SMIM14: variants seen among roughly 807,000 people sequenced by gnomAD.
SMIM14 encodes chromosome 4 open reading frame 34.
In SMIM14, 5 loss-of-function variants were observed where a neutral mutation model predicts 12.6. That is an observed-to-expected ratio of 0.40 (90% confidence interval 0.21 to 0.83). SMIM14 has a LOEUF of 0.83. Among genes scored for constraint, SMIM14 ranks in the 40% least tolerant of loss-of-function variants. The probability of loss-of-function intolerance (pLI) is 0.37; values close to 1 mark genes in which losing one functional copy is unlikely to be tolerated. For missense variants in SMIM14, 86 were observed against 119.1 expected (o/e 0.72, Z 1.29); for synonymous variants, 30 against 40.1 (o/e 0.75, Z 0.95).
chr4:39,609,668 C>G lies in SMIM14; in HGVS notation c.-35-4488G>C, dbSNP rs77932110. ...GGAGTCATGCCACAAAGGGTCTTTCCGGCTATGTTCATGATTAGGTCGTTA... is the reference window on the plus strand; with the variant it reads ...GGAGTCATGCCACAAAGGGTCTTTCGGGCTATGTTCATGATTAGGTCGTTA... On this transcript the variant is annotated intron_variant, in intron 1 of 4. Transcript: ENST00000295958. 5.7e-3 allele frequency among the ~76,000 whole-genome samples: 872 copies of G among 152,192 alleles called. 10 individuals carry two copies. The highest frequency in any genetic ancestry group is 0.019 in the African/African-American group (807 of 41,512).
At chr4:39,635,796 G>A (rs1269942964) in intron 1 of SMIM14, among the ~76,000 whole-genome samples, 1 of 152,132 alleles carries the variant, frequency 6.6e-6, no homozygotes, top group Non-Finnish European at 1.5e-5. Flanking sequence ...TGAAGAGGAC[G>A]TTTCCTTCCA....
intron 2 of SMIM14, among the ~76,000 whole-genome samples, chr4:39,596,634 CTGTT>C (rs973036204): frequency 5.3e-5 from 8 of 152,198 alleles, no homozygotes; most frequent in African/African-American, 1.9e-4. Flanking sequence ...ACTGTAACCA[CTGTT>C]TGAGGTATAT....
intron 4 of SMIM14, among the ~76,000 whole-genome samples, chr4:39,553,577 A>G (rs1348362296): frequency 6.6e-6 from 1 of 151,968 alleles, no homozygotes; most frequent in African/African-American, 2.4e-5. Context: ...GGCTTTTTAT[A>G]TAGTGCTAAT....
chr4:39,568,138 G>C (rs1387931109), intron 3 of SMIM14, among the ~76,000 whole-genome samples: 1 of 152,140 alleles, frequency 6.6e-6, no homozygotes. Context: ...AATTAGCCAG[G>C]TGTGGTAGTG....
At chr4:39,623,586 G>A (rs770242224) in intron 1 of SMIM14, among the ~76,000 whole-genome samples, 5 of 152,286 alleles carry the variant, frequency 3.3e-5, no homozygotes, top group African/African-American at 4.8e-5. Flanking sequence ...TAGGCCGGGC[G>A]CGGTGGCTCA....
chr4:39,637,479 C>T (rs180819887), intron 1 of SMIM14, among the ~76,000 whole-genome samples: 2 of 151,890 alleles, frequency 1.3e-5, no homozygotes, highest in African/African-American at 2.4e-5. Context: ...ATAACTCTTC[C>T]TGGGTTTGAT....
In SMIM14 at chr4:39,567,478, C is replaced by A. The variant is rs951605730; in HGVS notation, c.124+4937G>T. On this transcript the variant is annotated intron_variant, in intron 3 of 4. Transcript: ENST00000295958. ...ATTAGGCCGGGCATGGTGGCTCACA[C>A]CTGTAATCCCAGCACTTTGGGAGGT... Among the ~76,000 whole-genome samples, 3 of 152,142 alleles carry A rather than the reference C, an allele frequency of 2.0e-5. 1 individual carries two copies. Among genetic ancestry groups the A allele is most frequent in the Non-Finnish European group, 4.4e-5 (3 of 68,028 alleles).
chr4:39,624,086 G>T (rs1282535723), intron 1 of SMIM14, among the ~76,000 whole-genome samples: 1 of 152,168 alleles, frequency 6.6e-6, no homozygotes, highest in African/African-American at 2.4e-5. Context: ...GCATCAATAA[G>T]TAGTTGGGAT....
chr4:39,608,272 G>A (rs1246044088), intron 1 of SMIM14, among the ~76,000 whole-genome samples: 2 of 152,224 alleles, frequency 1.3e-5, no homozygotes, highest in South Asian at 4.1e-4. Context: ...CAGGCAACAC[G>A]GTGAGCAAGA....
chr4:39,566,141 A>G (rs115821583), intron 3 of SMIM14, among the ~76,000 whole-genome samples: 1,845 of 151,058 alleles, frequency 0.012, 29 homozygotes, highest in African/African-American at 0.043. Flanking sequence ...ATGGCCTAGA[A>G]CAGGGAGGAG....
intron 2 of SMIM14, among the ~76,000 whole-genome samples, chr4:39,578,500 T>C (rs1021894999): frequency 3.9e-5 from 6 of 152,234 alleles, no homozygotes; most frequent in African/African-American, 1.2e-4. Flanking sequence ...ACAGTATCTA[T>C]AGAAATATAG....
At chr4:39,605,296 T>C in intron 1 of SMIM14, 116 bp from the exon 2 acceptor site, 1 of 540,182 alleles carries the variant, frequency 1.9e-6, no homozygotes, top group South Asian at 3.0e-5. Flanking sequence ...ATGTATAGTT[T>C]GTATTTATTG....
chr4:39,635,618 A>G (rs1716059198), intron 1 of SMIM14, among the ~76,000 whole-genome samples: 1 of 152,180 alleles, frequency 6.6e-6, no homozygotes, highest in South Asian at 2.1e-4. Context: ...AGAAAAAGAA[A>G]CTAGATTATG....
At chr4:39,625,620 T>A (rs1715668210) in intron 1 of SMIM14, among the ~76,000 whole-genome samples, 2 of 152,140 alleles carry the variant, frequency 1.3e-5, no homozygotes, top group South Asian at 4.1e-4. Flanking sequence ...TTTGTACTTT[T>A]AGTAGAGACG....
At chr4:39,616,822 G>C (rs1178704872) in intron 1 of SMIM14, among the ~76,000 whole-genome samples, 1 of 151,962 alleles carries the variant, frequency 6.6e-6, no homozygotes, top group African/African-American at 2.4e-5. Flanking sequence ...AAAAAGGTTA[G>C]TTCCCAGCTT....
chr4:39,606,718 A>G (rs571792043), intron 1 of SMIM14, among the ~76,000 whole-genome samples: 1 of 152,068 alleles, frequency 6.6e-6, no homozygotes, highest in East Asian at 1.9e-4. Flanking sequence ...AACAAATGAG[A>G]TGAGCCCTAT....
intron 1 of SMIM14, among the ~76,000 whole-genome samples, chr4:39,631,079 C>A (rs1246734507): frequency 6.6e-6 from 1 of 152,064 alleles, no homozygotes; most frequent in African/African-American, 2.4e-5. Flanking sequence ...TAGCTGTAAT[C>A]CCAGGACTTT....
At chr4:39,634,099 T>C (rs1320017173) in intron 1 of SMIM14, among the ~76,000 whole-genome samples, 3 of 152,166 alleles carry the variant, frequency 2.0e-5, no homozygotes, top group Non-Finnish European at 1.5e-5. Flanking sequence ...CAGCTAATTT[T>C]TGTATTTTTA....
chr4:39,555,755 A>G (rs13128679), intron 4 of SMIM14, among the ~76,000 whole-genome samples: 7 of 152,290 alleles, frequency 4.6e-5, no homozygotes, highest in African/African-American at 1.7e-4. Flanking sequence ...AAAATAAAAT[A>G]AGACAGGCTC....
Sources: gnomAD v4.1 joint callset for allele counts (sites outside exome capture counted in the v4.1 genomes callset) on GRCh38, gnomAD v4.1.1 for gene constraint, MANE v1.5 for transcripts, NCBI Gene and HGNC (gene_info 2026-07-23, HGNC 2026-07-21) for gene names.